Variants in DNASE1L3 observed in about 807,000 individuals in gnomAD.
DNASE1L3 encodes the protein deoxyribonuclease 1L3, also known as deoxyribonuclease gamma.
A neutral mutation model predicts 30.9 loss-of-function variants in DNASE1L3; 27 were observed. The observed-to-expected ratio is 0.87, with a 90% CI of 0.64 to 1.20. The LOEUF is 1.20. DNASE1L3 is among the 50% of genes most tolerant of loss of function. The pLI, the probability that DNASE1L3 is intolerant of heterozygous loss-of-function variation, is 0.00. For missense variants in DNASE1L3, 364 were observed against 378.2 expected, an observed-to-expected ratio of 0.96 and a Z score of 0.31; for synonymous variants, 135 against 138.0, an observed-to-expected ratio of 0.98 and a Z score of 0.15.
rs115791588 is a variant in DNASE1L3, at chr3:58,204,715, G to A, written c.433+54C>T. 2.5e-3 allele frequency: 3,729 copies of A among 1,485,102 alleles called. 84 individuals carry two copies. The African/African-American group carries it at 0.044, about 18-fold the overall frequency. 92.0% of individuals were successfully genotyped at this position (1,485,102 alleles called of 1,614,324 possible). ...ATGGGCTCATGCTCAAGGCTGCTGC[G>A]CATTCATGGGCCGTTGGGGAGGTCC... On this transcript the variant is annotated intron_variant, in intron 4 of 7. Transcript: ENST00000394549.
intron 1 of DNASE1L3, among the ~76,000 whole-genome samples, chr3:58,208,715 G>C (rs983429644): frequency 3.3e-5 from 5 of 152,104 alleles, no homozygotes; most frequent in Admixed American, 6.6e-5. Context: ...AAATAAAGAG[G>C]TATAATTATA....
intron 6 of DNASE1L3, among the ~76,000 whole-genome samples, chr3:58,196,576 A>T (rs1266382509): frequency 6.8e-6 from 1 of 146,634 alleles, no homozygotes; most frequent in Admixed American, 6.7e-5. Context: ...AAAAAAAAAA[A>T]ACTCCGAGAG....
At chr3:58,204,141 AT>A (rs10662293) in intron 4 of DNASE1L3, among the ~76,000 whole-genome samples, 291 of 141,250 alleles carry the variant, frequency 2.1e-3, no homozygotes, top group Middle Eastern at 3.7e-3. Context: ...ATTGCTTAGG[AT>A]TTTTTTTTTT....
Position 58,210,855 on chromosome 3 carries a change from C to A in DNASE1L3, c.52G>T (p.Ala18Ser). Reference sequence around the variant, plus strand: ...AAGGAGCAGATCCTCATGGCCAGGGCGCTGTGGATGGAGAGGAGGAGAAGC... The same window carrying A: ...AAGGAGCAGATCCTCATGGCCAGGGAGCTGTGGATGGAGAGGAGGAGAAGC... ...LLLLLLSIHSALAMRICSFNV... is the reference protein window; with the variant it reads ...LLLLLLSIHSSLAMRICSFNV... The change falls in exon 1 of 8, where the codon GCC becomes TCC. Residue 18 changes from alanine (A) to serine (S), a missense_variant. Coordinates refer to ENST00000394549, the MANE Select transcript of DNASE1L3 (RefSeq NM_004944.4). 1.2e-6 allele frequency: 2 copies of A among 1,614,086 alleles called. No homozygotes were observed. Among genetic ancestry groups the A allele is most frequent in the Non-Finnish European group, 1.7e-6 (2 of 1,180,024 alleles).
chr3:58,206,431 T>C (rs1407520775), intron 2 of DNASE1L3, among the ~76,000 whole-genome samples: 1 of 152,004 alleles, frequency 6.6e-6, no homozygotes, highest in East Asian at 1.9e-4. Flanking sequence ...GCCCCAGGAG[T>C]GTGAACAGTA....
chr3:58,208,355 A>C (rs1252179590), intron 1 of DNASE1L3, 49 bp from the exon 2 acceptor site: 3 of 1,581,964 alleles, frequency 1.9e-6, no homozygotes, highest in South Asian at 1.1e-5. Context: ...ACCACAGATA[A>C]ATAAAACCTT....
Position 58,192,702 on chromosome 3 carries a change from CTTTG to C in DNASE1L3, c.899_902del (p.Thr300ArgfsTer19). ...ACCCTTGGGTCTAGGAGCGTTTGCT[CTTTG>C]TTTTCTTCCTTAGAGTGACAGATTT... is the stretch of plus-strand genomic sequence containing the variant. On this transcript the variant is annotated frameshift_variant, in exon 8 of 8. Coordinates refer to ENST00000394549, the MANE Select transcript of DNASE1L3 (RefSeq NM_004944.4). LOFTEE classifies it high-confidence loss of function. The surrounding 1 kb of genome is among the most constrained non-coding windows in gnomAD (Gnocchi z 4.8). The C allele has an allele frequency of 6.2e-7, 1 of 1,614,020 alleles. No homozygotes were observed. The highest frequency in any genetic ancestry group is 1.1e-5 in the South Asian group (1 of 91,056).
At chr3:58,208,664 T>C (rs2097405643) in intron 1 of DNASE1L3, among the ~76,000 whole-genome samples, 1 of 152,118 alleles carries the variant, frequency 6.6e-6, no homozygotes, top group Admixed American at 6.5e-5. Context: ...TAATAAATAT[T>C]TATTAAGCCC....
chr3:58,206,965 A>G (rs1463225444), intron 2 of DNASE1L3, among the ~76,000 whole-genome samples: 2 of 152,158 alleles, frequency 1.3e-5, no homozygotes, highest in African/African-American at 2.4e-5. Context: ...TGCCTTCCCT[A>G]TGATGGATAA....
At chr3:58,205,640 C>T in intron 2 of DNASE1L3, 80 bp from the exon 3 acceptor site, 2 of 1,206,762 alleles carry the variant, frequency 1.7e-6, no homozygotes, top group South Asian at 2.5e-5. Context: ...TCCAATCTGC[C>T]TCCATACGCC....
At chr3:58,204,731 G>A in intron 4 of DNASE1L3, 38 bp downstream of exon 4, 1 of 1,581,694 alleles carries the variant, frequency 6.3e-7, no homozygotes, top group Non-Finnish European at 8.7e-7. Context: ...ATGGGCCGTT[G>A]GGGAGGTCCC....
In DNASE1L3 at chr3:58,205,499, A is replaced by G. The variant is rs1559758595; in HGVS notation, c.292T>C (p.Tyr98His). The change falls in exon 3 of 8, where the codon TAT becomes CAT. Residue 98 changes from tyrosine (Y) to histidine (H), a missense_variant. Coordinates refer to ENST00000394549, the MANE Select transcript of DNASE1L3 (RefSeq NM_004944.4). ...TAGAGAAAGGCATATTGTTCTTTAT[A>G]TGTGTTTCTTCCAAGCCGAGAGCTA... Reference protein sequence around the residue: ...VISSRLGRNTYKEQYAFLYKE... With the variant: ...VISSRLGRNTHKEQYAFLYKE... 1 of 1,614,034 alleles carries G rather than the reference A, an allele frequency of 6.2e-7. No individual in the cohort carries two copies. The highest frequency in any genetic ancestry group is 2.2e-5 in the East Asian group (1 of 44,886).
chr3:58,202,973 C>A (rs997858509), intron 4 of DNASE1L3, among the ~76,000 whole-genome samples: 4 of 152,146 alleles, frequency 2.6e-5, no homozygotes, highest in Non-Finnish European at 4.4e-5. Flanking sequence ...TGTCTGAAAA[C>A]CTTCCCCCAC....
At chr3:58,202,317 G>GTTTTTTTTTT (rs1171213238) in intron 4 of DNASE1L3, among the ~76,000 whole-genome samples, 1 of 48,840 alleles carries the variant, frequency 2.0e-5, no homozygotes, top group Non-Finnish European at 3.5e-5. Context: ...GGCTAGCTTT[G>GTTTTTTTTTT]TTTTTTTTTT....
rs374879019 is a variant in DNASE1L3 at position 58,200,964 on chromosome 3, A to G, written c.546+33T>C. The G allele has an allele frequency of 8.5e-4, 1,347 of 1,578,680 alleles. 1 individual carries two copies. Among genetic ancestry groups the G allele is most frequent in the Non-Finnish European group, 1.1e-3 (1,262 of 1,152,088 alleles). ...TCAGGGACCAGAGCCTGCCCCTGCT[A>G]GATGGGAATTCGTCTGACACAGCAG... On this transcript the variant is annotated intron_variant, in intron 5 of 7. Transcript: ENST00000394549. The surrounding 1 kb of genome is among the most constrained non-coding windows in gnomAD (Gnocchi z 4.2).
Position 58,194,816 on chromosome 3 carries a change from G to C in DNASE1L3, c.705-1377C>G, listed in dbSNP as rs530610849. Reference sequence around the variant, plus strand: ...AATTTTTTTTGTATTTTTTAGTAGAGACGGGGTTTCACTGTGTTAGCCAGG... The same window carrying C: ...AATTTTTTTTGTATTTTTTAGTAGACACGGGGTTTCACTGTGTTAGCCAGG... On this transcript the variant is annotated intron_variant, in intron 6 of 7. Coordinates refer to ENST00000394549, the MANE Select transcript of DNASE1L3 (RefSeq NM_004944.4). 1.7e-3 allele frequency among the ~76,000 whole-genome samples: 258 copies of C among 151,834 alleles called. 1 individual carries two copies. The highest frequency in any genetic ancestry group is 6.8e-3 in the Middle Eastern group (2 of 292).
intron 1 of DNASE1L3, among the ~76,000 whole-genome samples, chr3:58,209,128 G>T (rs1311829489): frequency 6.6e-6 from 1 of 152,086 alleles, no homozygotes; most frequent in Non-Finnish European, 1.5e-5. Flanking sequence ...TGGGCGCTAG[G>T]GATAATCCTA....
At chr3:58,207,973 G>C (rs2107381771) in intron 2 of DNASE1L3, 1 of 416,164 alleles carries the variant, frequency 2.4e-6, no homozygotes, top group Non-Finnish European at 4.3e-6. Flanking sequence ...AGCCTCATCT[G>C]CTTTTTTCAT....
rs753708524 is a variant in DNASE1L3, at chr3:58,192,829, A to G, written c.802-26T>C. On this transcript the variant is annotated intron_variant, in intron 7 of 7. Coordinates refer to ENST00000394549, the MANE Select transcript of DNASE1L3 (RefSeq NM_004944.4). This position sits in a 1 kb window ranked among gnomAD's most constrained non-coding sequence, Gnocchi z 4.8. ...CTATAAGGAGAAAGGGGAGGTAGAC[A>G]TGGAAATTAGGAGATGCCTGGGAGA... 21 of 1,605,268 alleles carry G rather than the reference A, an allele frequency of 1.3e-5. No individual in the cohort carries two copies. Among genetic ancestry groups the G allele is most frequent in the Non-Finnish European group, 1.8e-5 (21 of 1,177,844 alleles).
Sources: gnomAD v4.1 joint callset for allele counts (sites outside exome capture counted in the v4.1 genomes callset) on GRCh38, gnomAD v4.1.1 for gene constraint, Gnocchi (gnomAD v3.1) non-coding constraint, MANE v1.5 for transcripts, NCBI Gene and HGNC (gene_info 2026-07-23, HGNC 2026-07-21) for gene names.